FSHR: variants seen among roughly 807,000 people sequenced by gnomAD.
The protein encoded by FSHR is follicle-stimulating hormone receptor.
Under a neutral mutation model 52.1 loss-of-function variants are expected in FSHR, and 46 were observed. The observed-to-expected ratio is 0.88, with a 90% CI of 0.70 to 1.13. FSHR has a LOEUF of 1.13. Among genes scored for constraint, FSHR ranks in the 50% most tolerant of loss-of-function variants. FSHR has a pLI of 0.00. For synonymous variants in FSHR, 399 were observed against 309.6 expected (o/e 1.29, Z -3.03); for missense variants, 964 against 834.6 (o/e 1.16, Z -1.91).
intron 1 of FSHR, among the ~76,000 whole-genome samples, chr2:49,088,362 G>A (rs1015274042): frequency 1.3e-5 from 2 of 152,134 alleles, no homozygotes; most frequent in Non-Finnish European, 2.9e-5. Flanking sequence ...GGGACTTTGA[G>A]GAAACACAAA....
chr2:49,028,976 T>C (rs1344563110), intron 2 of FSHR, among the ~76,000 whole-genome samples: 1 of 152,222 alleles, frequency 6.6e-6, no homozygotes, highest in African/African-American at 2.4e-5. Context: ...CCTGGGTGGT[T>C]GCTAGCACTT....
intron 4 of FSHR, among the ~76,000 whole-genome samples, chr2:49,013,498 A>G (rs1667362472): frequency 3.0e-5 from 2 of 66,006 alleles, no homozygotes; most frequent in East Asian, 4.4e-4. Flanking sequence ...ATATATATAT[A>G]TAAATATATA....
In FSHR at chr2:48,975,868, C is replaced by A. The variant is rs141137270; in HGVS notation, c.669-6985G>T. The stretch of plus-strand genomic sequence containing the variant: ...CTGAGACTTTGCTGAAGTTGCTTAT[C>A]AGCTTAAGGAGATTTGGGGCAGAGA... On this transcript the variant is annotated intron_variant, in intron 8 of 9. Transcript: ENST00000406846. Among the ~76,000 whole-genome samples the A allele has an allele frequency of 2.0e-5, 3 of 152,274 alleles. No homozygotes were observed. In the East Asian group the frequency reaches 5.8e-4, roughly 29 times the overall value.
chr2:49,080,287 T>C (rs558513411), intron 1 of FSHR, among the ~76,000 whole-genome samples: 1 of 152,304 alleles, frequency 6.6e-6, no homozygotes, highest in Admixed American at 6.5e-5. Flanking sequence ...TCAAGAGTCA[T>C]TTGTTAATAT....
rs555374551 is a variant in FSHR, at chr2:49,130,324, A to C, written c.152+23942T>G. On this transcript the variant is annotated intron_variant, in intron 1 of 9. Transcript: ENST00000406846. Reference sequence around the variant, plus strand: ...TGTGTGGAATCTCTGCTCTGCTCCCATTTTGCTATCTGTCCTGGGGTAAAT... The same window carrying C: ...TGTGTGGAATCTCTGCTCTGCTCCCCTTTTGCTATCTGTCCTGGGGTAAAT... Among the ~76,000 whole-genome samples, 12 of 152,180 alleles carry C rather than the reference A, an allele frequency of 7.9e-5. No individual in the cohort carries two copies. The South Asian group carries it at 1.5e-3, about 18-fold the overall frequency.
intron 1 of FSHR, among the ~76,000 whole-genome samples, chr2:49,133,055 G>C (rs527956364): frequency 6.6e-6 from 1 of 151,214 alleles, no homozygotes; most frequent in African/African-American, 2.4e-5. Context: ...TCTCAGAGCG[G>C]GTGGAGACCC....
rs1279788551 is a variant in FSHR at position 48,997,401 on chromosome 2, G to A, written c.375-6764C>T. 4.1e-6 allele frequency: 4 copies of A among 984,816 alleles called. No homozygotes were observed. In the South Asian group the frequency reaches 1.4e-4, roughly 35 times the overall value. 61.0% of individuals were successfully genotyped at this position (984,816 alleles called of 1,614,324 possible). A position where few individuals can be genotyped will look rare whatever the true frequency, so the allele number is the denominator to read the frequency against. On this transcript the variant is annotated intron_variant, in intron 4 of 9. Transcript: ENST00000406846. Reference sequence around the variant, plus strand: ...AGCTCAAGGGTAACATTTCCTAGAGGAGAGGTCAGTCCTATCGGCTTGGCT... The same window carrying A: ...AGCTCAAGGGTAACATTTCCTAGAGAAGAGGTCAGTCCTATCGGCTTGGCT...
chr2:49,110,858 A>G (rs912284789), intron 1 of FSHR, among the ~76,000 whole-genome samples: 5 of 152,184 alleles, frequency 3.3e-5, no homozygotes, highest in Non-Finnish European at 7.3e-5. Flanking sequence ...CCAGACAAAT[A>G]GAGATTTTTT....
intron 6 of FSHR, among the ~76,000 whole-genome samples, chr2:48,984,774 G>C (rs13396575): frequency 0.11 from 17,105 of 152,108 alleles, 1,198 homozygotes; most frequent in East Asian, 0.29. Flanking sequence ...CTATTGACTA[G>C]ATAATTAATA....
At chr2:49,138,745 A>G (rs1672573126) in intron 1 of FSHR, among the ~76,000 whole-genome samples, 1 of 152,206 alleles carries the variant, frequency 6.6e-6, no homozygotes, top group Non-Finnish European at 1.5e-5. Context: ...GATGATAAAA[A>G]TGTTTTAAAA....
At chr2:49,020,024 G>T in intron 3 of FSHR, 62 bp downstream of exon 3, 2 of 1,388,666 alleles carry the variant, frequency 1.4e-6, no homozygotes, top group South Asian at 1.2e-5. Context: ...CAGGAATGTA[G>T]AAGAACTTTA....
At chr2:49,103,985 T>TTA (rs879696775) in intron 1 of FSHR, among the ~76,000 whole-genome samples, 4 of 151,936 alleles carry the variant, frequency 2.6e-5, no homozygotes, top group East Asian at 1.9e-4. Flanking sequence ...TTTTTTTTTT[T>TTA]ATCCTCTAAA....
At chr2:48,965,319 G>T (rs140086703) in intron 9 of FSHR, among the ~76,000 whole-genome samples, 1 of 152,314 alleles carries the variant, frequency 6.6e-6, no homozygotes, top group South Asian at 2.1e-4. Flanking sequence ...CCCCTGGGAA[G>T]TGAATTGAAT....
At chr2:49,127,830 C>CTTCTTCTTCTTCTTCTTCT (rs1558456676) in intron 1 of FSHR, among the ~76,000 whole-genome samples, 1 of 21,054 alleles carries the variant, frequency 4.7e-5, no homozygotes, top group Admixed American at 6.1e-4. Flanking sequence ...CTTCTTCTTC[C>CTTCTTCTTCTTCTTCTTCT]TCTTCTTCTT....
intron 1 of FSHR, among the ~76,000 whole-genome samples, chr2:49,153,823 CAA>C (rs1673147150): frequency 6.6e-6 from 1 of 152,162 alleles, no homozygotes; most frequent in African/African-American, 2.4e-5. Context: ...TTCAAAACGA[CAA>C]AGACTATGGC....
At chr2:48,997,017 T>C (rs1203265247) in intron 4 of FSHR, among the ~76,000 whole-genome samples, 3 of 152,104 alleles carry the variant, frequency 2.0e-5, no homozygotes. Context: ...GCTTTCTGAA[T>C]CATTAAATAA....
intron 1 of FSHR, among the ~76,000 whole-genome samples, chr2:49,116,493 G>A (rs1378328947): frequency 1.3e-5 from 2 of 152,130 alleles, no homozygotes; most frequent in Non-Finnish European, 2.9e-5. Context: ...CCTGTAAAAT[G>A]AGAATAAAAA....
chr2:49,134,845 C>T (rs1300406084), intron 1 of FSHR, among the ~76,000 whole-genome samples: 7 of 151,968 alleles, frequency 4.6e-5, no homozygotes, highest in Non-Finnish European at 5.9e-5. Context: ...TATTCTCACT[C>T]ATAGGTGGGA....
intron 4 of FSHR, among the ~76,000 whole-genome samples, chr2:49,010,292 G>A (rs1400251542): frequency 7.0e-6 from 1 of 142,328 alleles, no homozygotes; most frequent in East Asian, 2.1e-4. Flanking sequence ...TAATCATGTG[G>A]TTTTTGTCTT....
Sources: allele counts gnomAD v4.1 joint callset (sites outside exome capture counted in the v4.1 genomes callset), GRCh38; gene constraint gnomAD v4.1.1; transcripts MANE v1.5; gene names NCBI Gene and HGNC (gene_info 2026-07-23, HGNC 2026-07-21).